NRG1: variants seen among roughly 807,000 people sequenced by gnomAD.
NRG1 encodes pro-neuregulin-1, membrane-bound isoform.
NRG1 carries 18 observed loss-of-function variants against 63.8 expected under a neutral mutation model. The ratio of observed to expected loss-of-function variants is 0.28; its 90% confidence interval spans 0.19 to 0.42. NRG1 has a LOEUF of 0.42. NRG1 is among the 10% of genes least tolerant of loss of function. The pLI is 1.00. For synonymous variants in NRG1, 302 were observed against 301.3 expected (o/e 1.00, Z -0.02); for missense variants, 762 against 814.7 (o/e 0.94, Z 0.79).
chr8:31,975,931 A>C lies in NRG1; in HGVS notation c.37+336500A>C, dbSNP rs138764734. Among the ~76,000 whole-genome samples, 12 of 152,300 alleles carry C rather than the reference A, an allele frequency of 7.9e-5. No individual in the cohort carries two copies. The East Asian group carries it at 2.1e-3, about 27-fold the overall frequency. ...ATTTGTTTTATATTCATTTTTCACA[A>C]AGTTTCCTTTGCAATTGATTCCTGG... On this transcript the variant is annotated intron_variant, in intron 1 of 10. Coordinates refer to the NRG1 transcript ENST00000519301.
intron 1 of NRG1, among the ~76,000 whole-genome samples, chr8:32,356,481 C>T (rs1260594873): frequency 7.7e-6 from 1 of 129,370 alleles, no homozygotes; most frequent in Non-Finnish European, 1.7e-5. Context: ...GGGACCCCCC[C>T]CCCACCCGCC....
intron 1 of NRG1, among the ~76,000 whole-genome samples, chr8:31,751,784 T>A (rs1816495602): frequency 6.6e-6 from 1 of 151,788 alleles, no homozygotes; most frequent in Admixed American, 6.6e-5. Flanking sequence ...TTCATTGATA[T>A]GAAGATGTGA....
Position 32,357,370 on chromosome 8 carries a change from G to A in NRG1, c.38-238458G>A, listed in dbSNP as rs554986501. Among the ~76,000 whole-genome samples, 12 of 152,288 alleles carry A rather than the reference G, an allele frequency of 7.9e-5. No homozygotes were observed. The Middle Eastern group carries it at 0.017, about 216-fold the overall frequency. On this transcript the variant is annotated intron_variant, in intron 1 of 10. Coordinates refer to the NRG1 transcript ENST00000519301. ...GGAGGACAGCAGTGGAGAAGATAAC[G>A]TTAGCAGACAATAAAAGGCCAAAGT...
chr8:32,091,224 G>C (rs962826787), intron 1 of NRG1, among the ~76,000 whole-genome samples: 2 of 151,074 alleles, frequency 1.3e-5, no homozygotes, highest in African/African-American at 4.9e-5. Context: ...CTTGCAGTGA[G>C]CTGAGATCAC....
intron 1 of NRG1, among the ~76,000 whole-genome samples, chr8:31,700,274 A>G (rs1367900103): frequency 6.6e-6 from 1 of 151,864 alleles, no homozygotes; most frequent in Non-Finnish European, 1.5e-5. Context: ...GTGGAGGGGA[A>G]TCCTGATGTT....
chr8:31,913,687 C>T (rs755272870), intron 1 of NRG1, among the ~76,000 whole-genome samples: 1 of 152,080 alleles, frequency 6.6e-6, no homozygotes, highest in African/African-American at 2.4e-5. Flanking sequence ...CACTCTTAGG[C>T]GCTTCTCCTC....
chr8:32,368,160 A>G (rs980758421), intron 1 of NRG1, among the ~76,000 whole-genome samples: 6 of 152,202 alleles, frequency 3.9e-5, no homozygotes, highest in Non-Finnish European at 8.8e-5. Flanking sequence ...TTTAAAAAAT[A>G]CTTCCAAAGA....
intron 1 of NRG1, among the ~76,000 whole-genome samples, chr8:32,433,264 G>T (rs1319349309): frequency 6.6e-6 from 1 of 152,136 alleles, no homozygotes; most frequent in African/African-American, 2.4e-5. Context: ...GAAATGCAAG[G>T]CTCTAAAGGA....
intron 1 of NRG1, among the ~76,000 whole-genome samples, chr8:31,819,075 C>A (rs1302129666): frequency 7.0e-6 from 1 of 142,034 alleles, no homozygotes; most frequent in Non-Finnish European, 1.6e-5. Flanking sequence ...AAAACAAAAA[C>A]TTAAAGAGTT....
chr8:32,689,230 G>A (rs965159453), intron 5 of NRG1, among the ~76,000 whole-genome samples: 2 of 151,700 alleles, frequency 1.3e-5, no homozygotes, highest in Non-Finnish European at 2.9e-5. Context: ...ATCTGCTTTT[G>A]TAGTGTGGAC....
intron 1 of NRG1, among the ~76,000 whole-genome samples, chr8:32,000,388 C>A (rs1233165659): frequency 6.6e-6 from 1 of 151,480 alleles, no homozygotes; most frequent in Non-Finnish European, 1.5e-5. Context: ...TTTTAAAAGA[C>A]CGTGTCTTAC....
chr8:32,121,490 G>T (rs1258683657), intron 1 of NRG1, among the ~76,000 whole-genome samples: 1 of 151,640 alleles, frequency 6.6e-6, no homozygotes, highest in African/African-American at 2.4e-5. Context: ...TTAATTTTCT[G>T]CTTTATTGAA....
At chr8:32,362,355 ATATACT>A (rs1190627116) in intron 1 of NRG1, among the ~76,000 whole-genome samples, 4 of 152,166 alleles carry the variant, frequency 2.6e-5, no homozygotes, top group African/African-American at 9.7e-5. Flanking sequence ...AACTGCAGAG[ATATACT>A]TTTTACATTT....
chr8:32,264,814 A>G (rs117081758), intron 1 of NRG1, among the ~76,000 whole-genome samples: 3,208 of 146,462 alleles, frequency 0.022, 41 homozygotes, highest in Non-Finnish European at 0.034. Context: ...AGGCCACAGG[A>G]AAAAAAAAAA....
intron 1 of NRG1, among the ~76,000 whole-genome samples, chr8:32,468,236 A>G (rs1052562055): frequency 6.6e-6 from 1 of 152,154 alleles, no homozygotes; most frequent in African/African-American, 2.4e-5. Context: ...CAGAATAATT[A>G]CAGTCCAGCT....
At chr8:32,460,917 G>A (rs12544558) in intron 1 of NRG1, among the ~76,000 whole-genome samples, 116,032 of 152,138 alleles carry the variant, frequency 0.76, 44,502 homozygotes, top group East Asian at 0.89. Context: ...ACAAAAGACT[G>A]TGTCTAGATG....
intron 1 of NRG1, among the ~76,000 whole-genome samples, chr8:32,580,847 T>C (rs534985469): frequency 9.7e-6 from 1 of 102,976 alleles, no homozygotes; most frequent in Non-Finnish European, 2.7e-5. Flanking sequence ...CTAAATGACA[T>C]AGTACCCATT....
At chr8:32,702,751 G>C (rs1815285188) in intron 5 of NRG1, among the ~76,000 whole-genome samples, 1 of 152,088 alleles carries the variant, frequency 6.6e-6, no homozygotes, top group South Asian at 2.1e-4. Flanking sequence ...CAAAGTGCTG[G>C]GATTACAGGT....
intron 1 of NRG1, among the ~76,000 whole-genome samples, chr8:31,932,737 A>C (rs1013996828): frequency 2.6e-5 from 4 of 152,212 alleles, no homozygotes; most frequent in African/African-American, 9.7e-5. Context: ...CATGGGTGAG[A>C]TCATGCTAGG....
Sources: allele counts gnomAD v4.1 joint callset (sites outside exome capture counted in the v4.1 genomes callset), GRCh38; gene constraint gnomAD v4.1.1; transcripts MANE v1.5; gene names NCBI Gene and HGNC (gene_info 2026-07-23, HGNC 2026-07-21).